The following G6PC3 variants were observed in gnomAD, a reference collection of about 807,000 sequenced individuals.
The protein encoded by G6PC3 is glucose-6-phosphatase catalytic subunit 3, also known as glucose-6-phosphatase 3.
G6PC3 carries 30 observed loss-of-function variants against 38.6 expected under a neutral mutation model. That is an observed-to-expected ratio of 0.78 (90% CI 0.58 to 1.05). G6PC3 has a LOEUF of 1.05. Ranked by LOEUF, G6PC3 falls within the 50% of genes least tolerant of loss-of-function variation. The probability of loss-of-function intolerance (pLI) is 0.00; values close to 1 mark genes in which losing one functional copy is unlikely to be tolerated. For missense variants in G6PC3, 377 were observed against 443.1 expected (o/e 0.85, Z 1.34); for synonymous variants, 192 against 178.1 (o/e 1.08, Z -0.62).
Position 44,074,164 on chromosome 17 carries a change from C to T in G6PC3, c.223C>T (p.Leu75Phe), listed in dbSNP as rs1396592116. 6.2e-7 allele frequency: 1 copy of T among 1,612,314 alleles called. No homozygotes were observed. Among genetic ancestry groups the T allele is most frequent in the African/African-American group, 1.3e-5 (1 of 74,804 alleles). ...EWLNLIFKWF[L>F]FGDRPFWWVH... The stretch of plus-strand genomic sequence containing the variant: ...CTTGCATCTGTTCTCTTCCAGGTTT[C>T]TTTTTGGAGACAGGCCCTTTTGGTG... Residue 75 changes from leucine (L) to phenylalanine (F), a missense_variant, in exon 2 of 6, where the codon CTT becomes TTT. Transcript: ENST00000269097.
At position 44,076,024 on chromosome 17, in the gene G6PC3, C is replaced by T. The variant is rs762536153; in HGVS notation, c.1022C>T (p.Pro341Leu). 1.2e-5 allele frequency: 19 copies of T among 1,612,796 alleles called. No homozygotes were observed. Among genetic ancestry groups the T allele is most frequent in the Non-Finnish European group, 1.3e-5 (15 of 1,180,020 alleles). The change falls in exon 6 of 6, where the codon CCG becomes CTG. Residue 341 changes from proline to leucine, a missense_variant. Transcript: ENST00000269097. ...AVHMFSAQEA[P>L]PIHSS ...CACATGTTCAGTGCCCAGGAAGCACCGCCCATCCACTCTTCCTGACTTCTT... is the reference window on the plus strand; with the variant it reads ...CACATGTTCAGTGCCCAGGAAGCACTGCCCATCCACTCTTCCTGACTTCTT...
intron 1 of G6PC3, chr17:44,071,902 ACT>A: frequency 2.8e-6 from 1 of 353,008 alleles, no homozygotes; most frequent in Non-Finnish European, 5.7e-6. Flanking sequence ...TCACCAGTAG[ACT>A]CTTCACACTG....
chr17:44,072,216 A>C (rs1261058112), intron 1 of G6PC3: 2 of 158,796 alleles, frequency 1.3e-5, no homozygotes, highest in African/African-American at 2.4e-5. Flanking sequence ...CCTCTCTCAA[A>C]GTCTGTATAA....
At chr17:44,074,519 C>T (rs538897552) in intron 2 of G6PC3, among the ~76,000 whole-genome samples, 161 bp from the exon 3 acceptor site, 2 of 152,308 alleles carry the variant, frequency 1.3e-5, no homozygotes, top group South Asian at 4.1e-4. Context: ...ACAGTGACCT[C>T]AAGTGGCAGT....
In G6PC3 at chr17:44,071,032, G is replaced by T; in HGVS notation, c.67G>T (p.Glu23Ter). 2 of 1,591,340 alleles carry T rather than the reference G, an allele frequency of 1.3e-6. No homozygotes were observed. The highest frequency in any genetic ancestry group is 1.7e-6 in the Non-Finnish European group (2 of 1,168,176). ...GCTACAGAACCAGCTAGCCTGGCTGGAGAACGTGTGGCTCTGGATCACCTT... is the reference window on the plus strand; with the variant it reads ...GCTACAGAACCAGCTAGCCTGGCTGTAGAACGTGTGGCTCTGGATCACCTT... ...EALQNQLAWL[E>*]NVWLWITFLG... The change falls in exon 1 of 6, where the codon GAG becomes TAG. Residue 23 changes from glutamate (E) to a stop codon, truncating the protein, a stop_gained. Coordinates refer to ENST00000269097, the MANE Select transcript of G6PC3 (RefSeq NM_138387.4). LOFTEE classifies it high-confidence loss of function.
intron 1 of G6PC3, chr17:44,073,805 G>C (rs1379187794): frequency 5.3e-5 from 17 of 320,100 alleles, no homozygotes; most frequent in Non-Finnish European, 9.1e-5. Context: ...TGTTGCCCAG[G>C]CTGGTCATGA....
chr17:44,074,383 C>T, intron 2 of G6PC3, 117 bp downstream of exon 2: 2 of 882,674 alleles, frequency 2.3e-6, no homozygotes, highest in East Asian at 2.5e-5. Context: ...ATTACTGGCG[C>T]AGAGAACAAA....
At chr17:44,072,966 T>C (rs566940576) in intron 1 of G6PC3, 8 of 152,328 alleles carry the variant, frequency 5.3e-5, no homozygotes, top group Non-Finnish European at 1.2e-4. Context: ...TGAGCACTTG[T>C]TGTATATATA....
Position 44,076,046 on chromosome 17 carries a change from T to A in G6PC3, c.*3T>A. ...CACCGCCCATCCACTCTTCCTGACT[T>A]CTTGTGTGCCTCCCTTTCCTTTCCC... is the stretch of plus-strand genomic sequence containing the variant. On this transcript the variant is annotated 3_prime_UTR_variant, in exon 6 of 6. Coordinates refer to ENST00000269097, the MANE Select transcript of G6PC3 (RefSeq NM_138387.4). The A allele has an allele frequency of 6.2e-7, 1 of 1,612,414 alleles. No individual in the cohort carries two copies. Among genetic ancestry groups the A allele is most frequent in the Non-Finnish European group, 8.5e-7 (1 of 1,179,994 alleles).
Position 44,076,197 on chromosome 17 carries a change from G to T in G6PC3, c.*154G>T, listed in dbSNP as rs1249761081. 3 of 1,023,464 alleles carry T rather than the reference G, an allele frequency of 2.9e-6. No homozygotes were observed. The highest frequency in any genetic ancestry group is 4.6e-6 in the Non-Finnish European group (3 of 656,786). 63.4% of individuals were successfully genotyped at this position (1,023,464 alleles called of 1,614,324 possible). A position where few individuals can be genotyped will look rare whatever the true frequency, so the allele number is the denominator to read the frequency against. Reference sequence around the variant, plus strand: ...ACCACCTGGTCTTAGCCCCAAAGATGGGCCTTCTCTCTCCCAGATAAGTTG... The same window carrying T: ...ACCACCTGGTCTTAGCCCCAAAGATTGGCCTTCTCTCTCCCAGATAAGTTG... On this transcript the variant is annotated 3_prime_UTR_variant, in exon 6 of 6. Coordinates refer to ENST00000269097, the MANE Select transcript of G6PC3 (RefSeq NM_138387.4).
intron 4 of G6PC3, 84 bp downstream of exon 4, chr17:44,075,171 G>C (rs2050063966): frequency 2.0e-6 from 3 of 1,491,030 alleles, no homozygotes; most frequent in Non-Finnish European, 2.8e-6. Context: ...ATCGCTCCCA[G>C]CTTCTGTAGA....
chr17:44,070,960 G>A lies in G6PC3; in HGVS notation c.-6G>A. 3 of 1,550,254 alleles carry A rather than the reference G, an allele frequency of 1.9e-6. No homozygotes were observed. Among genetic ancestry groups the A allele is most frequent in the Non-Finnish European group, 2.6e-6 (3 of 1,147,222 alleles). On this transcript the variant is annotated 5_prime_UTR_variant, in exon 1 of 6. Transcript: ENST00000269097. Reference sequence around the variant, plus strand: ...AAGCCGGGGCCTGGTCGGCAGCTGGGCCGCCATGGAGTCCACGCTGGGCGC... The same window carrying A: ...AAGCCGGGGCCTGGTCGGCAGCTGGACCGCCATGGAGTCCACGCTGGGCGC...
intron 2 of G6PC3, 34 bp downstream of exon 2, chr17:44,074,300 GT>G: frequency 6.7e-7 from 1 of 1,486,650 alleles, no homozygotes. Context: ...CTTTCCCAAT[GT>G]GGTTAGGGTT....
rs1049853848 is a variant in G6PC3, at chr17:44,074,553, G to A, written c.326-127G>A. On this transcript the variant is annotated intron_variant, in intron 2 of 5. Coordinates refer to ENST00000269097, the MANE Select transcript of G6PC3 (RefSeq NM_138387.4). ...GTAAAAAGGCCTCAGAGCAGAGCGA[G>A]TTATGAATCAGTGCTGGGGAAAAGC... 4.9e-6 allele frequency: 4 copies of A among 822,834 alleles called. No individual in the cohort carries two copies. The African/African-American group carries it at 6.7e-5, about 14-fold the overall frequency. The allele number at this position is 822,834 out of a possible 1,614,324, so 51.0% of individuals were successfully genotyped here. A position where few individuals can be genotyped will look rare whatever the true frequency, so the allele number is the denominator to read the frequency against.
chr17:44,075,028 T>C lies in G6PC3; in HGVS notation c.476T>C (p.Leu159Ser), dbSNP rs1204978387. 6.2e-7 allele frequency: 1 copy of C among 1,614,182 alleles called. No individual in the cohort carries two copies. Among genetic ancestry groups the C allele is most frequent in the Non-Finnish European group, 8.5e-7 (1 of 1,180,026 alleles). The change falls in exon 4 of 6, where the codon TTG becomes TCG. Residue 159 changes from leucine (L) to serine (S), a missense_variant. Physicochemically the swap from Leu to Ser is moderately radical, Grantham distance 145 (BLOSUM62 -2). Coordinates refer to ENST00000269097, the MANE Select transcript of G6PC3 (RefSeq NM_138387.4). ...AYCTFLLAVG[L>S]SRIFILAHFP... ...TGCACCTTCCTTTTGGCGGTTGGCTTGTCGCGAATCTTCATCTTAGCACAT... is the reference window on the plus strand; with the variant it reads ...TGCACCTTCCTTTTGGCGGTTGGCTCGTCGCGAATCTTCATCTTAGCACAT...
At chr17:44,071,653 G>C (rs763073249) in intron 1 of G6PC3, 8 of 1,283,512 alleles carry the variant, frequency 6.2e-6, no homozygotes, top group East Asian at 5.6e-5. Flanking sequence ...TGGGCATCAC[G>C]GTAGCTGCTA....
Position 44,075,754 on chromosome 17 carries a change from T to C in G6PC3, c.752T>C (p.Leu251Pro). The C allele has an allele frequency of 6.2e-7, 1 of 1,612,712 alleles. No homozygotes were observed. Residue 251 changes from leucine (L) to proline (P), a missense_variant, in exon 6 of 6, where the codon CTG (leucine) becomes CCG (proline). Coordinates refer to ENST00000269097, the MANE Select transcript of G6PC3 (RefSeq NM_138387.4). ...GTGGATAGCCGGCCCTTTGCCTCCC[T>C]GAGCCGTGACTCAGGGGCTGCCCTG... ...IHVDSRPFAS[L>P]SRDSGAALGL... is the part of the protein sequence containing the mutation.
chr17:44,071,136 G>A lies in G6PC3; in HGVS notation c.171G>A (p.Val57=). The change falls in exon 1 of 6, where the codon GTG becomes GTA. Residue 57 remains valine (V), a synonymous_variant. Coordinates refer to ENST00000269097, the MANE Select transcript of G6PC3 (RefSeq NM_138387.4). The part of the protein sequence containing the change: ...YYASRRVGIA[V]LWISLITEWL... ...CCTCCCGCCGTGTGGGCATCGCGGT[G>A]CTCTGGATCAGCCTCATCACCGAGT... 1 of 1,613,994 alleles carries A rather than the reference G, an allele frequency of 6.2e-7. No individual in the cohort carries two copies. The highest frequency in any genetic ancestry group is 8.5e-7 in the Non-Finnish European group (1 of 1,180,008).
chr17:44,071,944 T>A, intron 1 of G6PC3: 1 of 321,754 alleles, frequency 3.1e-6, no homozygotes, highest in Non-Finnish European at 6.2e-6. Context: ...CCCAGGGACA[T>A]GGGTGGAGGC....
Sources: gnomAD v4.1 joint callset for allele counts (sites outside exome capture counted in the v4.1 genomes callset) on GRCh38, gnomAD v4.1.1 for gene constraint, MANE v1.5 for transcripts, NCBI Gene and HGNC (gene_info 2026-07-23, HGNC 2026-07-21) for gene names.